DBNL: variants seen among roughly 807,000 people sequenced by gnomAD.
DBNL encodes drebrin like.
DBNL carries 35 observed loss-of-function variants against 62.2 expected under a neutral mutation model. The ratio of observed to expected loss-of-function variants is 0.56; its 90% CI spans 0.43 to 0.75. The LOEUF (loss-of-function observed/expected upper bound fraction) is 0.75, where lower values mean the gene tolerates loss of function less well. Among genes scored for constraint, DBNL ranks in the 30% least tolerant of loss-of-function variants. The probability of loss-of-function intolerance (pLI) is 0.00; values close to 1 mark genes in which losing one functional copy is unlikely to be tolerated. For missense variants in DBNL, 495 were observed against 578.4 expected (o/e 0.86, Z 1.48); for synonymous variants, 197 against 218.0 (o/e 0.90, Z 0.85).
intron 4 of DBNL, among the ~76,000 whole-genome samples, chr7:44,053,940 T>G (rs1046885090): frequency 1.3e-5 from 2 of 152,074 alleles, no homozygotes; most frequent in African/African-American, 4.8e-5. Flanking sequence ...CCTCCCAAAG[T>G]GCTAGGATTA....
Position 44,061,112 on chromosome 7 carries a change from C to T in DBNL, c.*196C>T, listed in dbSNP as rs1562658339. 4.3e-6 allele frequency: 3 copies of T among 699,050 alleles called. No individual in the cohort carries two copies. The highest frequency in any genetic ancestry group is 6.9e-6 in the Non-Finnish European group (3 of 435,460). 43.3% of individuals were successfully genotyped at this position (699,050 alleles called of 1,614,324 possible). On this transcript the variant is annotated 3_prime_UTR_variant, in exon 13 of 13. Coordinates refer to ENST00000448521, the MANE Select transcript of DBNL (RefSeq NM_001014436.3). ...CAATGGCCTGGTGATTCCCACACAT[C>T]CTTCCTGCATCCCCCGACCCTCCCA...
In DBNL at chr7:44,065,512, G is replaced by A. The variant is rs143473990; in HGVS notation, c.*4596G>A. 2.5e-6 allele frequency: 4 copies of A among 1,614,002 alleles called. No homozygotes were observed. Among genetic ancestry groups the A allele is most frequent in the African/African-American group, 1.3e-5 (1 of 75,040 alleles). ...TGCTCTCGCCGTGCCGGACCATCAC[G>A]AGGCGGTGAGTGGCCATGGTGGCAG... On this transcript the variant is annotated 3_prime_UTR_variant, in exon 13 of 13. Coordinates refer to ENST00000448521, the MANE Select transcript of DBNL (RefSeq NM_001014436.3).
chr7:44,061,040 A>ACTG lies in DBNL; in HGVS notation c.*124_*125insCTG. The ACTG allele has an allele frequency of 1.5e-6, 2 of 1,351,204 alleles. No homozygotes were observed. Among genetic ancestry groups the ACTG allele is most frequent in the Non-Finnish European group, 2.0e-6 (2 of 1,013,928 alleles). The allele number at this position is 1,351,204 out of a possible 1,614,324, so 83.7% of individuals were successfully genotyped here. On this transcript the variant is annotated 3_prime_UTR_variant, in exon 13 of 13. Coordinates refer to ENST00000448521, the MANE Select transcript of DBNL (RefSeq NM_001014436.3). ...GGACCCCCAGTGAGGATGAGGCCTC[A>ACTG]GGGCTCCCTCCGGCTTGGCAGACTC...
At position 44,065,411 on chromosome 7, in the gene DBNL, C is replaced by T. The variant is rs140545494; in HGVS notation, c.*4495C>T. ...GGCATCCTTGATGGCCTTGGCTCCCCGCTTGGCCTCCTCGGTCCCCTTTTC... is the reference window on the plus strand; with the variant it reads ...GGCATCCTTGATGGCCTTGGCTCCCTGCTTGGCCTCCTCGGTCCCCTTTTC... On this transcript the variant is annotated 3_prime_UTR_variant, in exon 13 of 13. Coordinates refer to ENST00000448521, the MANE Select transcript of DBNL (RefSeq NM_001014436.3). 649 of 1,614,052 alleles carry T rather than the reference C, an allele frequency of 4.0e-4. No individual in the cohort carries two copies. The highest frequency in any genetic ancestry group is 5.0e-4 in the Non-Finnish European group (588 of 1,180,050).
intron 1 of DBNL, among the ~76,000 whole-genome samples, chr7:44,049,088 C>T (rs1182866284): frequency 6.6e-6 from 1 of 151,998 alleles, no homozygotes; most frequent in Non-Finnish European, 1.5e-5. Context: ...CTCCTGGGCT[C>T]AAGCGACCCT....
Position 44,065,660 on chromosome 7 carries a change from G to A in DBNL, c.*4744G>A. ...CCAATCAGCATTCCAGGCGGTGGCA[G>A]GTGACCAGTAGCTGAGCTGCTGGGG... is the stretch of plus-strand genomic sequence containing the variant. On this transcript the variant is annotated 3_prime_UTR_variant, in exon 13 of 13. Transcript: ENST00000448521. 1.1e-6 allele frequency: 1 copy of A among 887,112 alleles called. No homozygotes were observed. Among genetic ancestry groups the A allele is most frequent in the East Asian group, 2.5e-5 (1 of 39,764 alleles). 55.0% of individuals were successfully genotyped at this position (887,112 alleles called of 1,614,324 possible). A position where few individuals can be genotyped will look rare whatever the true frequency, so the allele number is the denominator to read the frequency against.
rs900781407 is a variant in DBNL at position 44,060,744 on chromosome 7, C to G, written c.1154-33C>G. 1 of 1,604,050 alleles carries G rather than the reference C, an allele frequency of 6.2e-7. No individual in the cohort carries two copies. The highest frequency in any genetic ancestry group is 8.5e-7 in the Non-Finnish European group (1 of 1,172,934). On this transcript the variant is annotated intron_variant, in intron 12 of 12. Coordinates refer to ENST00000448521, the MANE Select transcript of DBNL (RefSeq NM_001014436.3). This position sits in a 1 kb window ranked among gnomAD's most constrained non-coding sequence, Gnocchi z 6.3. Reference sequence around the variant, plus strand: ...AGCAGGTGGGATGTGGGAGGGAGCCCCTGATATGCATCTGGGCTCATCCTC... The same window carrying G: ...AGCAGGTGGGATGTGGGAGGGAGCCGCTGATATGCATCTGGGCTCATCCTC...
chr7:44,046,394 C>T (rs976181472), intron 1 of DBNL, among the ~76,000 whole-genome samples: 1 of 152,184 alleles, frequency 6.6e-6, no homozygotes, highest in East Asian at 1.9e-4. Context: ...TGATGCCTCC[C>T]AGCCCACCTG....
chr7:44,050,287 A>T lies in DBNL; in HGVS notation c.139+7A>T. 1 of 1,613,538 alleles carries T rather than the reference A, an allele frequency of 6.2e-7. No homozygotes were observed. Among genetic ancestry groups the T allele is most frequent in the East Asian group, 2.2e-5 (1 of 44,848 alleles). On this transcript the variant is annotated splice_region_variant and intron_variant, in intron 2 of 12. Coordinates refer to ENST00000448521, the MANE Select transcript of DBNL (RefSeq NM_001014436.3). ...CGCGTGGCTGGCACAGGGGGTGAGTATGACTCCAAATGGACTCAGGGACAC... is the reference window on the plus strand; with the variant it reads ...CGCGTGGCTGGCACAGGGGGTGAGTTTGACTCCAAATGGACTCAGGGACAC...
At position 44,064,773 on chromosome 7, in the gene DBNL, A is replaced by G; in HGVS notation, c.*3857A>G. 1 of 1,448,362 alleles carries G rather than the reference A, an allele frequency of 6.9e-7. No individual in the cohort carries two copies. The highest frequency in any genetic ancestry group is 9.4e-7 in the Non-Finnish European group (1 of 1,061,740). 89.7% of individuals were successfully genotyped at this position (1,448,362 alleles called of 1,614,324 possible). ...ATGGGCGAGAGACTTTGCTGAGATG[A>G]GAAGCCAGCTGGGGCTGCTGCCCAC... On this transcript the variant is annotated 3_prime_UTR_variant, in exon 13 of 13. Coordinates refer to ENST00000448521, the MANE Select transcript of DBNL (RefSeq NM_001014436.3).
At chr7:44,057,030 C>A (rs772851485) in intron 5 of DBNL, 127 bp downstream of exon 5, 1 of 1,379,980 alleles carries the variant, frequency 7.2e-7, no homozygotes, top group Non-Finnish European at 9.9e-7. Flanking sequence ...CAGATGGTAA[C>A]CCCTGAGCTG....
In DBNL at chr7:44,057,814, T is replaced by A. The variant is rs761036087; in HGVS notation, c.507T>A (p.Ser169=). Residue 169 remains serine (S), a synonymous_variant, in exon 6 of 13, where the codon TCT becomes TCA. Coordinates refer to ENST00000448521, the MANE Select transcript of DBNL (RefSeq NM_001014436.3). ...GSVYQKTNAV[S]EIKRVGKDSF... ...TGTACCAGAAGACCAATGCCGTGTC[T>A]GAGATTAAAAGGGTTGGTAAAGACA... 1.2e-6 allele frequency: 2 copies of A among 1,614,168 alleles called. No individual in the cohort carries two copies. Among genetic ancestry groups the A allele is most frequent in the African/African-American group, 2.7e-5 (2 of 75,042 alleles).
In DBNL at chr7:44,063,147, G is replaced by A; in HGVS notation, c.*2231G>A. 1 of 594,340 alleles carries A rather than the reference G, an allele frequency of 1.7e-6. No individual in the cohort carries two copies. Among genetic ancestry groups the A allele is most frequent in the Non-Finnish European group, 3.1e-6 (1 of 326,332 alleles). The allele number at this position is 594,340 out of a possible 1,614,324, so 36.8% of individuals were successfully genotyped here. ...ATAGCCCAGTGGTGAAAAAAATGGG[G>A]ACTTCAGCCCCACCCAAGTGGCTGT... On this transcript the variant is annotated 3_prime_UTR_variant, in exon 13 of 13. Coordinates refer to ENST00000448521, the MANE Select transcript of DBNL (RefSeq NM_001014436.3).
At chr7:44,055,922 C>A (rs1237287327) in intron 4 of DBNL, among the ~76,000 whole-genome samples, 1 of 152,062 alleles carries the variant, frequency 6.6e-6, no homozygotes, top group East Asian at 1.9e-4. Context: ...TGATGTAGTC[C>A]AATTGGTTGA....
chr7:44,059,632 G>C lies in DBNL; in HGVS notation c.1021G>C (p.Glu341Gln). The change falls in exon 11 of 13, where the codon GAG becomes CAG. Residue 341 changes from glutamate to glutamine, a missense_variant. Transcript: ENST00000448521. The surrounding 1 kb of genome is among the most constrained non-coding windows in gnomAD (Gnocchi z 4.1). Reference protein sequence around the residue: ...EAVYEEPPEQETFYEQPPLVQ... With the variant: ...EAVYEEPPEQQTFYEQPPLVQ... Reference sequence around the variant, plus strand: ...TGTGTATGAGGAACCTCCAGAGCAGGAGACCTTCTACGAGCAGCCCCCACT... The same window carrying C: ...TGTGTATGAGGAACCTCCAGAGCAGCAGACCTTCTACGAGCAGCCCCCACT... The C allele has an allele frequency of 1.2e-6, 2 of 1,608,226 alleles. No individual in the cohort carries two copies. Among genetic ancestry groups the C allele is most frequent in the Non-Finnish European group, 1.7e-6 (2 of 1,179,756 alleles).
At position 44,062,925 on chromosome 7, in the gene DBNL, AC is replaced by A; in HGVS notation, c.*2010del. The stretch of plus-strand genomic sequence containing the variant: ...TTCAGCTCCATGATCGCCTGGTCTG[AC>A]ATCCCTATGCCGGAAGGAATAGGTG... On this transcript the variant is annotated 3_prime_UTR_variant, in exon 13 of 13. Coordinates refer to ENST00000448521, the MANE Select transcript of DBNL (RefSeq NM_001014436.3). The A allele has an allele frequency of 6.2e-7, 1 of 1,614,166 alleles. No homozygotes were observed. Among genetic ancestry groups the A allele is most frequent in the Non-Finnish European group, 8.5e-7 (1 of 1,180,010 alleles).
In DBNL at chr7:44,068,410, G is replaced by GCA. The variant is rs1296562704; in HGVS notation, c.*7497_*7498dup. 1.3e-5 allele frequency: 2 copies of GCA among 152,252 alleles called. No individual in the cohort carries two copies. Among genetic ancestry groups the GCA allele is most frequent in the African/African-American group, 4.8e-5 (2 of 41,446 alleles). The allele number at this position is 152,252 out of a possible 1,614,324, so 9.4% of individuals were successfully genotyped here. ...GCTGCGCACAGGGCTGACCCTAGAT[G>GCA]CACATTGCAGGTCCCAGACTGACCG... is the stretch of plus-strand genomic sequence containing the variant. On this transcript the variant is annotated 3_prime_UTR_variant, in exon 13 of 13. Transcript: ENST00000448521.
At chr7:44,053,443 T>C (rs2096130082) in intron 4 of DBNL, among the ~76,000 whole-genome samples, 1 of 152,214 alleles carries the variant, frequency 6.6e-6, no homozygotes, top group Non-Finnish European at 1.5e-5. Flanking sequence ...AGGTAACTTT[T>C]TGCATTTCTC....
At position 44,058,200 on chromosome 7, in the gene DBNL, G is replaced by T; in HGVS notation, c.624G>T (p.Glu208Asp). 1 of 1,560,978 alleles carries T rather than the reference G, an allele frequency of 6.4e-7. No individual in the cohort carries two copies. ...AGGCACAGCGGCAGCTGGAGCAGGA[G>T]CGCCGGGAGCGTGAGCTGCGTGAGG... ...AEEAQRQLEQERRERELREAA... is the reference protein window; with the variant it reads ...AEEAQRQLEQDRRERELREAA... Residue 208 changes from glutamate to aspartate, a missense_variant, in exon 7 of 13, where the codon GAG becomes GAT. Coordinates refer to ENST00000448521, the MANE Select transcript of DBNL (RefSeq NM_001014436.3).
Sources: allele counts gnomAD v4.1 joint callset (sites outside exome capture counted in the v4.1 genomes callset), GRCh38; gene constraint gnomAD v4.1.1; non-coding constraint Gnocchi (gnomAD v3.1); transcripts MANE v1.5; gene names NCBI Gene and HGNC (gene_info 2026-07-23, HGNC 2026-07-21).